Variants in RYR2 observed in about 807,000 individuals in gnomAD.
The protein encoded by RYR2 is ryanodine receptor 2.
A neutral mutation model predicts 601.1 loss-of-function variants in RYR2; 227 were observed. The observed-to-expected ratio is 0.38, with a 90% CI of 0.34 to 0.42. RYR2 has a LOEUF of 0.42. Ranked by LOEUF, RYR2 falls within the 10% of genes least tolerant of loss-of-function variation. The probability of loss-of-function intolerance (pLI) is 1.00; values close to 1 mark genes in which losing one functional copy is unlikely to be tolerated. For missense variants in RYR2, 4,646 were observed against 6,156.5 expected (o/e 0.75, Z 8.21); for synonymous variants, 2,223 against 2,175.1 (o/e 1.02, Z -0.61).
chr1:237,429,628 A>G (rs938196867), intron 12 of RYR2, among the ~76,000 whole-genome samples: 5 of 152,178 alleles, frequency 3.3e-5, no homozygotes, highest in African/African-American at 9.7e-5. Context: ...TTCTTTCTCT[A>G]GTAATCCTAA....
intron 2 of RYR2, among the ~76,000 whole-genome samples, chr1:237,298,869 G>A (rs1467989754): frequency 6.6e-6 from 1 of 151,986 alleles, no homozygotes; most frequent in Non-Finnish European, 1.5e-5. Flanking sequence ...GTATGGTGGT[G>A]CACACCTGTA....
chr1:237,291,828 C>T (rs980477185), intron 2 of RYR2, among the ~76,000 whole-genome samples: 1 of 152,146 alleles, frequency 6.6e-6, no homozygotes, highest in Non-Finnish European at 1.5e-5. Flanking sequence ...TTGTAAGATA[C>T]TGCAGTGGTG....
chr1:237,225,303 G>A (rs140769508), intron 1 of RYR2, among the ~76,000 whole-genome samples: 76 of 152,164 alleles, frequency 5.0e-4, no homozygotes, highest in Middle Eastern at 3.4e-3. Flanking sequence ...GTATTCGTCC[G>A]TTTTCGCGCT....
intron 66 of RYR2, among the ~76,000 whole-genome samples, chr1:237,704,632 G>A (rs935258902): frequency 1.3e-5 from 2 of 151,740 alleles, no homozygotes; most frequent in African/African-American, 2.4e-5. Context: ...GACAAAATTC[G>A]AGGTCACTTT....
chr1:237,394,416 C>T (rs1321366970), intron 10 of RYR2, among the ~76,000 whole-genome samples: 2 of 152,282 alleles, frequency 1.3e-5, no homozygotes, highest in South Asian at 2.1e-4. Context: ...TTGTGGCAAA[C>T]TGAGCTCCTG....
At chr1:237,430,071 T>C (rs1235880320) in intron 12 of RYR2, among the ~76,000 whole-genome samples, 2 of 150,786 alleles carry the variant, frequency 1.3e-5, no homozygotes, top group African/African-American at 2.4e-5. Flanking sequence ...TATATTGTTA[T>C]ATATATTTCC....
intron 63 of RYR2, among the ~76,000 whole-genome samples, chr1:237,690,620 G>A (rs575070019): frequency 3.9e-5 from 6 of 152,188 alleles, no homozygotes; most frequent in African/African-American, 7.2e-5. Flanking sequence ...CCAGCACTTT[G>A]GGAGGCCAAG....
intron 50 of RYR2, 115 bp from the exon 51 acceptor site, chr1:237,651,296 C>T: frequency 4.2e-6 from 3 of 721,700 alleles, no homozygotes; most frequent in Admixed American, 4.4e-5. Flanking sequence ...TAATGAATAC[C>T]ATCTGAAGTG....
intron 3 of RYR2, among the ~76,000 whole-genome samples, chr1:237,346,798 A>G (rs1380336126): frequency 6.6e-6 from 1 of 152,200 alleles, no homozygotes; most frequent in East Asian, 1.9e-4. Context: ...TGGAGAAAAG[A>G]CTTTGTGATC....
chr1:237,127,396 G>A (rs1429526249), intron 1 of RYR2, among the ~76,000 whole-genome samples: 6 of 149,772 alleles, frequency 4.0e-5, no homozygotes, highest in South Asian at 2.1e-4. Flanking sequence ...CGGACGGGGC[G>A]GCTGGCCGGG....
intron 1 of RYR2, among the ~76,000 whole-genome samples, chr1:237,135,078 A>G (rs1672616169): frequency 6.6e-6 from 1 of 152,246 alleles, no homozygotes; most frequent in South Asian, 2.1e-4. Flanking sequence ...AGCTGTTTGC[A>G]ACATATTTAG....
intron 60 of RYR2, among the ~76,000 whole-genome samples, chr1:237,677,613 C>T (rs904563156): frequency 1.1e-4 from 16 of 152,206 alleles, no homozygotes; most frequent in Admixed American, 2.0e-4. Context: ...TTCGGTCACA[C>T]GAAGAGGCAA....
chr1:237,177,286 A>G (rs139884802), intron 1 of RYR2, among the ~76,000 whole-genome samples: 59 of 152,324 alleles, frequency 3.9e-4, no homozygotes, highest in African/African-American at 1.3e-3. Context: ...TAAACTTTAC[A>G]TATTTAAAAT....
At chr1:237,485,917 G>A (rs765437201) in intron 17 of RYR2, among the ~76,000 whole-genome samples, 11 of 152,142 alleles carry the variant, frequency 7.2e-5, no homozygotes, top group Non-Finnish European at 1.5e-4. Flanking sequence ...TTGATTAAAT[G>A]TGTGTTTCAG....
chr1:237,183,017 T>C (rs1244090264), intron 1 of RYR2, among the ~76,000 whole-genome samples: 1 of 152,194 alleles, frequency 6.6e-6, no homozygotes, highest in African/African-American at 2.4e-5. Context: ...TGGTTTAGTA[T>C]GATAAGCGCA....
At chr1:237,772,252 A>G (rs1325729750) in intron 86 of RYR2, among the ~76,000 whole-genome samples, 152 bp downstream of exon 86, 1 of 152,186 alleles carries the variant, frequency 6.6e-6, no homozygotes, top group Non-Finnish European at 1.5e-5. Flanking sequence ...TTAGAGCAAA[A>G]CAGCCACTGT....
chr1:237,309,099 A>G (rs6702354), intron 2 of RYR2, among the ~76,000 whole-genome samples: 1,859 of 121,374 alleles, frequency 0.015, 58 homozygotes, highest in African/African-American at 0.063. Flanking sequence ...TGATTGGTGT[A>G]TTTACAATCC....
At chr1:237,630,155 C>G (rs1342634973) in intron 41 of RYR2, among the ~76,000 whole-genome samples, 2 of 152,048 alleles carry the variant, frequency 1.3e-5, no homozygotes, top group Non-Finnish European at 2.9e-5. Context: ...AGTGATAAAA[C>G]TCAAAATGAT....
intron 12 of RYR2, among the ~76,000 whole-genome samples, chr1:237,437,764 G>A (rs1468331687): frequency 6.6e-6 from 1 of 152,178 alleles, no homozygotes; most frequent in Non-Finnish European, 1.5e-5. Flanking sequence ...GTGCTGAAAA[G>A]AGTCATTTTA....
Sources: gnomAD v4.1 joint callset for allele counts (sites outside exome capture counted in the v4.1 genomes callset) on GRCh38, gnomAD v4.1.1 for gene constraint, MANE v1.5 for transcripts, NCBI Gene and HGNC (gene_info 2026-07-23, HGNC 2026-07-21) for gene names.